DSC1: variants seen among roughly 807,000 people sequenced by gnomAD.
The protein encoded by DSC1 is desmocollin-1.
Under a neutral mutation model 98.8 loss-of-function variants are expected in DSC1, and 79 were observed. The ratio of observed to expected loss-of-function variants is 0.80; its 90% CI spans 0.67 to 0.96. The LOEUF (loss-of-function observed/expected upper bound fraction) is 0.96, where lower values mean the gene tolerates loss of function less well. DSC1 is among the 50% of genes least tolerant of loss of function. The pLI, the probability that DSC1 is intolerant of heterozygous loss-of-function variation, is 0.00. For synonymous variants in DSC1, 405 were observed against 372.1 expected, an observed-to-expected ratio of 1.09 and a Z score of -1.02; for missense variants, 1,115 against 1,075.9, an observed-to-expected ratio of 1.04 and a Z score of -0.51.
chr18:31,155,355 C>T (rs750180234), intron 4 of DSC1, among the ~76,000 whole-genome samples: 20 of 152,130 alleles, frequency 1.3e-4, no homozygotes, highest in Non-Finnish European at 2.5e-4. Context: ...TTTGGCCGGG[C>T]GCAGTGGCTC....
chr18:31,133,108 T>C (rs1298784157), intron 13 of DSC1, among the ~76,000 whole-genome samples: 1 of 152,026 alleles, frequency 6.6e-6, no homozygotes, highest in African/African-American at 2.4e-5. Flanking sequence ...CATCAACTAA[T>C]AAAGTGCTAA....
rs770321449 is a variant in DSC1 at position 31,131,385 on chromosome 18, A to G, written c.2487+209T>C. On this transcript the variant is annotated intron_variant, in intron 15 of 15. Transcript: ENST00000257198. ...ACACATCTACATATGGCACTCCTAGATAAAGTTTTGTAAACTGTATTTTCA... is the reference window on the plus strand; with the variant it reads ...ACACATCTACATATGGCACTCCTAGGTAAAGTTTTGTAAACTGTATTTTCA... The G allele has an allele frequency of 1.7e-4, 114 of 673,540 alleles. 2 individuals carry two copies. The highest frequency in any genetic ancestry group is 4.8e-4 in the Admixed American group (16 of 33,136). 41.7% of individuals were successfully genotyped at this position (673,540 alleles called of 1,614,324 possible).
At chr18:31,153,205 C>CA (rs1246564615) in intron 5 of DSC1, among the ~76,000 whole-genome samples, 1 of 152,060 alleles carries the variant, frequency 6.6e-6, no homozygotes, top group East Asian at 1.9e-4. Flanking sequence ...CCCTATCAAA[C>CA]AATTCCTCAG....
chr18:31,130,983 A>G, intron 15 of DSC1: 1 of 807,406 alleles, frequency 1.2e-6, no homozygotes, highest in Non-Finnish European at 1.9e-6. Flanking sequence ...CCATTTGAAC[A>G]CAAAACATGT....
At chr18:31,137,250 T>A (rs1988631249) in intron 11 of DSC1, among the ~76,000 whole-genome samples, 1 of 152,186 alleles carries the variant, frequency 6.6e-6, no homozygotes. Flanking sequence ...CTTTTTGGAC[T>A]ATACATGCAA....
rs147171562 is a variant in DSC1, at chr18:31,130,270, G to A, written c.*244C>T. Reference sequence around the variant, plus strand: ...GTGCAAGAAGGTGTACAGTACAGTCGTGAAAAGGGCAATATATACATGCAT... The same window carrying A: ...GTGCAAGAAGGTGTACAGTACAGTCATGAAAAGGGCAATATATACATGCAT... On this transcript the variant is annotated 3_prime_UTR_variant, in exon 16 of 16. Coordinates refer to ENST00000257198, the MANE Select transcript of DSC1 (RefSeq NM_024421.2). 2.2e-4 allele frequency: 112 copies of A among 512,014 alleles called. No homozygotes were observed. Among genetic ancestry groups the A allele is most frequent in the East Asian group, 1.0e-3 (30 of 29,960 alleles). The allele number at this position is 512,014 out of a possible 1,614,324, so 31.7% of individuals were successfully genotyped here. A position where few individuals can be genotyped will look rare whatever the true frequency, so the allele number is the denominator to read the frequency against.
intron 6 of DSC1, among the ~76,000 whole-genome samples, chr18:31,146,537 G>A (rs979654869): frequency 2.6e-5 from 4 of 152,126 alleles, no homozygotes; most frequent in African/African-American, 4.8e-5. Context: ...TGAATGGTGT[G>A]GCAACAAACA....
At chr18:31,155,768 G>T (rs1347590520) in intron 4 of DSC1, among the ~76,000 whole-genome samples, 1 of 152,158 alleles carries the variant, frequency 6.6e-6, no homozygotes, top group African/African-American at 2.4e-5. Context: ...GTGTTAACAA[G>T]TCTAGCATAG....
chr18:31,138,637 CAAAT>C (rs1317446738), intron 11 of DSC1, among the ~76,000 whole-genome samples: 11 of 150,316 alleles, frequency 7.3e-5, no homozygotes, highest in African/African-American at 2.7e-4. Flanking sequence ...AACAAAGGGA[CAAAT>C]AAATAAGCAT....
Position 31,131,706 on chromosome 18 carries a change from T to C in DSC1, c.2375A>G (p.Asn792Ser), listed in dbSNP as rs1021164560. ...CAAGGTCTGATGTCCACCTCCTTTG[T>C]TGGAATCCAAAGTGTAGCCTCCTTT... ...MVKGGYTLDSNKGGGHQTLES... is the reference protein window; with the variant it reads ...MVKGGYTLDSSKGGGHQTLES... The change falls in exon 15 of 16, where the codon AAC becomes AGC. Residue 792 changes from asparagine to serine, a missense_variant. Transcript: ENST00000257198. 67 of 1,614,148 alleles carry C rather than the reference T, an allele frequency of 4.2e-5. No homozygotes were observed. The highest frequency in any genetic ancestry group is 5.3e-5 in the Non-Finnish European group (63 of 1,179,998).
At chr18:31,134,495 T>G in intron 12 of DSC1, 77 bp downstream of exon 12, 1 of 1,179,160 alleles carries the variant, frequency 8.5e-7, no homozygotes, top group Non-Finnish European at 1.2e-6. Flanking sequence ...TGTGTATTTA[T>G]TATGATAAAC....
chr18:31,154,115 A>T (rs1989049287), intron 5 of DSC1, among the ~76,000 whole-genome samples: 1 of 152,224 alleles, frequency 6.6e-6, no homozygotes, highest in African/African-American at 2.4e-5. Flanking sequence ...TATAAAATTA[A>T]CAGAAACAAA....
At chr18:31,160,924 C>G (rs746742515) in intron 1 of DSC1, among the ~76,000 whole-genome samples, 4 of 152,004 alleles carry the variant, frequency 2.6e-5, no homozygotes, top group Admixed American at 6.6e-5. Flanking sequence ...TGCTTACATT[C>G]TAAGAAATGC....
Position 31,156,180 on chromosome 18 carries a change from C to A in DSC1, c.352-18G>T. Reference sequence around the variant, plus strand: ...TTAGGAGACTACATTTGACAAGAAACAAAGAAATGTAGCATTGCTTATCAT... The same window carrying A: ...TTAGGAGACTACATTTGACAAGAAAAAAAGAAATGTAGCATTGCTTATCAT... On this transcript the variant is annotated intron_variant, in intron 3 of 15. Transcript: ENST00000257198. 3 of 1,595,282 alleles carry A rather than the reference C, an allele frequency of 1.9e-6. No individual in the cohort carries two copies. The highest frequency in any genetic ancestry group is 2.6e-6 in the Non-Finnish European group (3 of 1,175,334).
chr18:31,148,479 C>A lies in DSC1; in HGVS notation c.772+19G>T. 2 of 1,571,182 alleles carry A rather than the reference C, an allele frequency of 1.3e-6. No homozygotes were observed. Among genetic ancestry groups the A allele is most frequent in the Non-Finnish European group, 1.7e-6 (2 of 1,149,874 alleles). ...GTCAAATAGTCTTCTTGTCATGCTA[C>A]AATAAAATGTGAACTTACCGGATCG... On this transcript the variant is annotated intron_variant, in intron 6 of 15. Coordinates refer to ENST00000257198, the MANE Select transcript of DSC1 (RefSeq NM_024421.2).
intron 2 of DSC1, among the ~76,000 whole-genome samples, chr18:31,159,047 G>T (rs1209419863): frequency 8.4e-5 from 6 of 71,070 alleles, no homozygotes; most frequent in Non-Finnish European, 1.3e-4. Flanking sequence ...CTACTATGTG[G>T]TTTTTTTTTT....
intron 9 of DSC1, among the ~76,000 whole-genome samples, chr18:31,140,911 T>C (rs935155478): frequency 1.3e-5 from 2 of 152,144 alleles, no homozygotes; most frequent in Non-Finnish European, 2.9e-5. Context: ...TAATTGAATC[T>C]TGGGGGCCAG....
chr18:31,157,674 A>C, intron 2 of DSC1, 101 bp from the exon 3 acceptor site: 1 of 1,296,122 alleles, frequency 7.7e-7, no homozygotes, highest in African/African-American at 1.5e-5. Flanking sequence ...AAGCAGAAAA[A>C]GGGAGGTTAC....
Position 31,142,075 on chromosome 18 carries a change from A to T in DSC1, c.1184T>A (p.Leu395Gln). ...TPHSKAVYKILQGNENGNFII... is the reference protein window; with the variant it reads ...TPHSKAVYKIQQGNENGNFII... ...GAAGTTTCCATTTTCATTTCCTTGT[A>T]GGATTTTGTATACAGCCTTTGAGTG... Residue 395 changes from leucine to glutamine, a missense_variant, in exon 9 of 16, where the codon CTA becomes CAA. Physicochemically the swap from Leu to Gln is moderately radical, Grantham distance 113. Coordinates refer to ENST00000257198, the MANE Select transcript of DSC1 (RefSeq NM_024421.2). 6.2e-6 allele frequency: 10 copies of T among 1,613,076 alleles called. No homozygotes were observed. Among genetic ancestry groups the T allele is most frequent in the Non-Finnish European group, 8.5e-6 (10 of 1,179,682 alleles).
Sources: gnomAD v4.1 joint callset for allele counts (sites outside exome capture counted in the v4.1 genomes callset) on GRCh38, gnomAD v4.1.1 for gene constraint, MANE v1.5 for transcripts, NCBI Gene and HGNC (gene_info 2026-07-23, HGNC 2026-07-21) for gene names.